Variants in PCDHGB7 observed in about 807,000 individuals in gnomAD.
PCDHGB7 encodes the protein protocadherin gamma-B7.
PCDHGB7 carries 37 observed loss-of-function variants against 61.4 expected under a neutral mutation model. The ratio of observed to expected loss-of-function variants is 0.60; its 90% CI spans 0.46 to 0.79. The LOEUF (loss-of-function observed/expected upper bound fraction) is 0.79. Ranked by LOEUF, PCDHGB7 falls within the 30% of genes least tolerant of loss-of-function variation. The probability of loss-of-function intolerance (pLI) is 0.00; values close to 1 mark genes in which losing one functional copy is unlikely to be tolerated. For synonymous variants in PCDHGB7, 464 were observed against 503.5 expected (o/e 0.92, Z 1.05); for missense variants, 1,166 against 1,202.5 (o/e 0.97, Z 0.45).
chr5:141,489,126 T>A lies in PCDHGB7; in HGVS notation c.2416-5681T>A. ...TGCAAGCAGGCAAACCTCCGAGCAGTTTTTAAGAGGCTGGAAGGAGACATA... is the reference window on the plus strand; with the variant it reads ...TGCAAGCAGGCAAACCTCCGAGCAGATTTTAAGAGGCTGGAAGGAGACATA... On this transcript the variant is annotated intron_variant, in intron 1 of 3. Transcript: ENST00000398594. This position sits in a 1 kb window ranked among gnomAD's most constrained non-coding sequence, Gnocchi z 4.5. 1.7e-6 allele frequency: 1 copy of A among 585,136 alleles called. No individual in the cohort carries two copies. Among genetic ancestry groups the A allele is most frequent in the Non-Finnish European group, 2.7e-6 (1 of 375,012 alleles). The allele number at this position is 585,136 out of a possible 1,614,324, so 36.2% of individuals were successfully genotyped here.
At position 141,505,378 on chromosome 5, in the gene PCDHGB7, C is replaced by T. The variant is rs376550639; in HGVS notation, c.2475-15C>T. 2 of 1,614,034 alleles carry T rather than the reference C, an allele frequency of 1.2e-6. No homozygotes were observed. The highest frequency in any genetic ancestry group is 2.2e-5 in the East Asian group (1 of 44,872). On this transcript the variant is annotated splice_polypyrimidine_tract_variant and intron_variant, in intron 2 of 3. Transcript: ENST00000398594. ...GGCCTGGGAGTCTGTGCTCACCATC[C>T]TACTCTCTCCCCAGCTCCCAAAATG...
rs376395066 is a variant in PCDHGB7 at position 141,490,681 on chromosome 5, C to G, written c.2416-4126C>G. On this transcript the variant is annotated intron_variant, in intron 1 of 3. Transcript: ENST00000398594. The surrounding 1 kb of genome is among the most constrained non-coding windows in gnomAD (Gnocchi z 5.4). ...TCTTTGCACTGTGGCTGCCTCAGATCCAGACACTGGGGATAATGCCCGCCT... is the reference window on the plus strand; with the variant it reads ...TCTTTGCACTGTGGCTGCCTCAGATGCAGACACTGGGGATAATGCCCGCCT... 2.5e-6 allele frequency: 4 copies of G among 1,613,998 alleles called. No homozygotes were observed. In the African/African-American group the frequency reaches 4.0e-5, roughly 16 times the overall value.
Position 141,432,410 on chromosome 5 carries a change from T to C in PCDHGB7, c.2415+12136T>C. On this transcript the variant is annotated intron_variant, in intron 1 of 3. Transcript: ENST00000398594. This position sits in a 1 kb window ranked among gnomAD's most constrained non-coding sequence, Gnocchi z 6.0. The stretch of plus-strand genomic sequence containing the variant: ...CAGCAGCAACGTGTCGTTGAGCCTG[T>C]TCGTGCTGGACCAGAACGACAATGC... 6.2e-7 allele frequency: 1 copy of C among 1,614,228 alleles called. No homozygotes were observed. Among genetic ancestry groups the C allele is most frequent in the East Asian group, 2.2e-5 (1 of 44,884 alleles).
Position 141,490,046 on chromosome 5 carries a change from C to A in PCDHGB7, c.2416-4761C>A, listed in dbSNP as rs2099695274. ...CTGCTCCGCCTCAATGCCACTGATC[C>A]AGACGAGGGCACCAACGGCCAACTA... On this transcript the variant is annotated intron_variant, in intron 1 of 3. Transcript: ENST00000398594. This position sits in a 1 kb window ranked among gnomAD's most constrained non-coding sequence, Gnocchi z 5.4. 1 of 1,614,094 alleles carries A rather than the reference C, an allele frequency of 6.2e-7. No individual in the cohort carries two copies.
At chr5:141,423,427 G>T (rs2096739583) in intron 1 of PCDHGB7, 1 of 1,613,892 alleles carries the variant, frequency 6.2e-7, no homozygotes, top group Non-Finnish European at 8.5e-7. Flanking sequence ...AGGCGGGTTG[G>T]CAGGTATGCC....
Position 141,431,559 on chromosome 5 carries a change from C to A in PCDHGB7, c.2415+11285C>A. On this transcript the variant is annotated intron_variant, in intron 1 of 3. Coordinates refer to ENST00000398594, the MANE Select transcript of PCDHGB7 (RefSeq NM_018927.4). The surrounding 1 kb of genome is among the most constrained non-coding windows in gnomAD (Gnocchi z 4.8). ...ACGCAGCTGCTTGTAGTCAACGCTA[C>A]CGACCCTGACGAAGGAGTCAATGCG... is the stretch of plus-strand genomic sequence containing the variant. 6.2e-7 allele frequency: 1 copy of A among 1,614,158 alleles called. No homozygotes were observed. The highest frequency in any genetic ancestry group is 8.5e-7 in the Non-Finnish European group (1 of 1,180,030).
intron 1 of PCDHGB7, among the ~76,000 whole-genome samples, chr5:141,447,631 A>G (rs59518107): frequency 0.11 from 16,809 of 152,214 alleles, 1,093 homozygotes; most frequent in African/African-American, 0.17. Flanking sequence ...AACCAACAGT[A>G]TGAATGATGG....
chr5:141,432,413 G>T lies in PCDHGB7; in HGVS notation c.2415+12139G>T, dbSNP rs369816901. On this transcript the variant is annotated intron_variant, in intron 1 of 3. Transcript: ENST00000398594. This position sits in a 1 kb window ranked among gnomAD's most constrained non-coding sequence, Gnocchi z 6.0. ...CAGCAACGTGTCGTTGAGCCTGTTCGTGCTGGACCAGAACGACAATGCGCC... is the reference window on the plus strand; with the variant it reads ...CAGCAACGTGTCGTTGAGCCTGTTCTTGCTGGACCAGAACGACAATGCGCC... The T allele has an allele frequency of 6.2e-7, 1 of 1,614,232 alleles. No homozygotes were observed.
At chr5:141,443,169 T>C (rs946262743) in intron 1 of PCDHGB7, among the ~76,000 whole-genome samples, 2 of 152,170 alleles carry the variant, frequency 1.3e-5, no homozygotes, top group Non-Finnish European at 2.9e-5. Flanking sequence ...TCCCTACCCA[T>C]GTCCACTGCA....
Position 141,476,165 on chromosome 5 carries a change from G to A in PCDHGB7, c.2416-18642G>A. ...CGGACTGGTAAGCACCGGGAGGGTA[G>A]TGGGAGTTTTGCTTCTGCTTGGTGC... On this transcript the variant is annotated intron_variant, in intron 1 of 3. Coordinates refer to ENST00000398594, the MANE Select transcript of PCDHGB7 (RefSeq NM_018927.4). This position sits in a 1 kb window ranked among gnomAD's most constrained non-coding sequence, Gnocchi z 7.6. 1 of 1,613,228 alleles carries A rather than the reference G, an allele frequency of 6.2e-7. No homozygotes were observed.
chr5:141,431,320 C>T lies in PCDHGB7; in HGVS notation c.2415+11046C>T. On this transcript the variant is annotated intron_variant, in intron 1 of 3. Coordinates refer to ENST00000398594, the MANE Select transcript of PCDHGB7 (RefSeq NM_018927.4). The surrounding 1 kb of genome is among the most constrained non-coding windows in gnomAD (Gnocchi z 4.8). ...CCCTCATCGTGCAAAATGGAGCCGA[C>T]GGTAGTAAGTACCCCGAATTGGTGC... is the stretch of plus-strand genomic sequence containing the variant. 1 of 1,614,102 alleles carries T rather than the reference C, an allele frequency of 6.2e-7. No homozygotes were observed. Among genetic ancestry groups the T allele is most frequent in the Non-Finnish European group, 8.5e-7 (1 of 1,180,038 alleles).
Position 141,490,683 on chromosome 5 carries a change from A to C in PCDHGB7, c.2416-4124A>C, listed in dbSNP as rs766019662. 6 of 1,614,088 alleles carry C rather than the reference A, an allele frequency of 3.7e-6. No homozygotes were observed. The highest frequency in any genetic ancestry group is 5.1e-6 in the Non-Finnish European group (6 of 1,180,034). On this transcript the variant is annotated intron_variant, in intron 1 of 3. Transcript: ENST00000398594. The surrounding 1 kb of genome is among the most constrained non-coding windows in gnomAD (Gnocchi z 5.4). ...TTTGCACTGTGGCTGCCTCAGATCCAGACACTGGGGATAATGCCCGCCTCA... is the reference window on the plus strand; with the variant it reads ...TTTGCACTGTGGCTGCCTCAGATCCCGACACTGGGGATAATGCCCGCCTCA...
chr5:141,501,066 A>G (rs2099805322), intron 2 of PCDHGB7, among the ~76,000 whole-genome samples: 1 of 151,976 alleles, frequency 6.6e-6, no homozygotes, highest in South Asian at 2.1e-4. Flanking sequence ...ACGGGGTTTC[A>G]CCATGTTGAC....
At chr5:141,461,603 G>A (rs1413122199) in intron 1 of PCDHGB7, among the ~76,000 whole-genome samples, 8 of 152,092 alleles carry the variant, frequency 5.3e-5, no homozygotes, top group African/African-American at 1.9e-4. Context: ...TTATAATTTA[G>A]TTCAAAGTAT....
At chr5:141,433,096 C>A in intron 1 of PCDHGB7, 3 of 1,614,118 alleles carry the variant, frequency 1.9e-6, no homozygotes, top group Non-Finnish European at 2.5e-6. Context: ...CAGACATGCT[C>A]GTCAGCCAGG....
intron 1 of PCDHGB7, chr5:141,478,860 A>C: frequency 1.9e-5 from 25 of 1,331,544 alleles, no homozygotes; most frequent in Middle Eastern, 2.6e-4. Context: ...ACAAGATCTC[A>C]GCGATCAGAG....
rs186638311 is a variant in PCDHGB7, at chr5:141,492,901, T to C, written c.2416-1906T>C. 3.7e-3 allele frequency among the ~76,000 whole-genome samples: 568 copies of C among 152,326 alleles called. 5 individuals carry two copies. The highest frequency in any genetic ancestry group is 0.011 in the Admixed American group (163 of 15,308). On this transcript the variant is annotated intron_variant, in intron 1 of 3. Coordinates refer to ENST00000398594, the MANE Select transcript of PCDHGB7 (RefSeq NM_018927.4). ...GAGATACAGGCTTTTGGCGCCGTCG[T>C]GATCACAATGTGCCCAGCGATCTAG...
Position 141,485,227 on chromosome 5 carries a change from G to T in PCDHGB7, c.2416-9580G>T. Reference sequence around the variant, plus strand: ...AAATCTGGCGGTGGGCTACCCTTTTGTTCCTCTTTTACCACCTGGGTTACG... The same window carrying T: ...AAATCTGGCGGTGGGCTACCCTTTTTTTCCTCTTTTACCACCTGGGTTACG... On this transcript the variant is annotated intron_variant, in intron 1 of 3. Transcript: ENST00000398594. The surrounding 1 kb of genome is among the most constrained non-coding windows in gnomAD (Gnocchi z 5.7). The T allele has an allele frequency of 6.2e-7, 1 of 1,614,186 alleles. No individual in the cohort carries two copies. Among genetic ancestry groups the T allele is most frequent in the Non-Finnish European group, 8.5e-7 (1 of 1,180,020 alleles).
chr5:141,501,635 T>G (rs553343946), intron 2 of PCDHGB7, among the ~76,000 whole-genome samples: 1 of 152,236 alleles, frequency 6.6e-6, no homozygotes, highest in African/African-American at 2.4e-5. Flanking sequence ...TCTCAACCTC[T>G]CTGAGCCCTG....
Sources: allele counts gnomAD v4.1 joint callset (sites outside exome capture counted in the v4.1 genomes callset), GRCh38; gene constraint gnomAD v4.1.1; non-coding constraint Gnocchi (gnomAD v3.1); transcripts MANE v1.5; gene names NCBI Gene and HGNC (gene_info 2026-07-23, HGNC 2026-07-21).